Variants in TICRR observed in about 807,000 individuals in gnomAD.
The protein encoded by TICRR is treslin.
In TICRR, 132 loss-of-function variants were observed where a neutral mutation model predicts 178.1. The ratio of observed to expected loss-of-function variants is 0.74; its 90% CI spans 0.64 to 0.86. TICRR has a LOEUF of 0.86. TICRR is among the 40% of genes least tolerant of loss of function. The pLI, the probability that TICRR is intolerant of heterozygous loss-of-function variation, is 0.00. For synonymous variants in TICRR, 991 were observed against 900.7 expected, an observed-to-expected ratio of 1.10 and a Z score of -1.79; for missense variants, 2,587 against 2,334.3, an observed-to-expected ratio of 1.11 and a Z score of -2.23.
In TICRR at chr15:89,626,980, C is replaced by G. The variant is rs763682287; in HGVS notation, c.5627C>G (p.Ser1876Cys). ...GATGAGGATGTGGATGTTCTTCCCT[C>G]CACTGTAGAAGACTCTCCTTTCAGT... is the stretch of plus-strand genomic sequence containing the variant. ...PRDEDVDVLP[S>C]TVEDSPFSRA... Residue 1876 changes from serine (S) to cysteine (C), a missense_variant, in exon 22 of 22, where the codon TCC becomes TGC. Coordinates refer to ENST00000268138, the MANE Select transcript of TICRR (RefSeq NM_152259.4). 6.2e-6 allele frequency: 10 copies of G among 1,614,124 alleles called. No homozygotes were observed. The highest frequency in any genetic ancestry group is 8.5e-6 in the Non-Finnish European group (10 of 1,180,002).
intron 15 of TICRR, among the ~76,000 whole-genome samples, chr15:89,610,838 G>A (rs1163024287): frequency 6.6e-6 from 1 of 150,856 alleles, no homozygotes; most frequent in Non-Finnish European, 1.5e-5. Context: ...TTTTTAAGTT[G>A]TTTTCTCAGT....
intron 4 of TICRR, among the ~76,000 whole-genome samples, chr15:89,590,974 C>T (rs1962901603): frequency 6.6e-6 from 1 of 152,232 alleles, no homozygotes; most frequent in Non-Finnish European, 1.5e-5. Context: ...CAACCACCTC[C>T]TCCATCAGGC....
In TICRR at chr15:89,601,790, T is replaced by G; in HGVS notation, c.2381T>G (p.Phe794Cys). ...TLGNLYNSLGFVIPQKLAGVL... is the reference protein window; with the variant it reads ...TLGNLYNSLGCVIPQKLAGVL... Reference sequence around the variant, plus strand: ...GGAAATCTTTACAACAGCCTAGGGTTTGTGATTCCTCAGAAGCTGGCTGGT... The same window carrying G: ...GGAAATCTTTACAACAGCCTAGGGTGTGTGATTCCTCAGAAGCTGGCTGGT... Residue 794 changes from phenylalanine to cysteine, a missense_variant, in exon 12 of 22, where the codon TTT (phenylalanine) becomes TGT (cysteine). Coordinates refer to ENST00000268138, the MANE Select transcript of TICRR (RefSeq NM_152259.4). The G allele has an allele frequency of 6.2e-7, 1 of 1,614,158 alleles. No homozygotes were observed. Among genetic ancestry groups the G allele is most frequent in the Non-Finnish European group, 8.5e-7 (1 of 1,180,000 alleles).
chr15:89,602,238 G>T (rs566407842), intron 12 of TICRR, among the ~76,000 whole-genome samples: 40 of 152,224 alleles, frequency 2.6e-4, no homozygotes, highest in Middle Eastern at 6.8e-3. Flanking sequence ...AATTTTTGTT[G>T]TACTAACATC....
intron 4 of TICRR, among the ~76,000 whole-genome samples, chr15:89,590,377 TTGTG>T (rs1359549945): frequency 1.3e-5 from 2 of 152,188 alleles, no homozygotes; most frequent in East Asian, 3.9e-4. Context: ...TACTTACCAA[TTGTG>T]TGTAGGCTAT....
In TICRR at chr15:89,608,954, C is replaced by T. The variant is rs1963214221; in HGVS notation, c.2869+5C>T. 5 of 1,584,054 alleles carry T rather than the reference C, an allele frequency of 3.2e-6. No homozygotes were observed. The highest frequency in any genetic ancestry group is 4.3e-6 in the Non-Finnish European group (5 of 1,170,502). ...ACAACTTCAAGAAGAACAAAGGTACCACATTTCAGAATAGCTAGGAAAAAG... is the reference window on the plus strand; with the variant it reads ...ACAACTTCAAGAAGAACAAAGGTACTACATTTCAGAATAGCTAGGAAAAAG... On this transcript the variant is annotated splice_donor_5th_base_variant and intron_variant, in intron 15 of 21. Coordinates refer to ENST00000268138, the MANE Select transcript of TICRR (RefSeq NM_152259.4).
In TICRR at chr15:89,624,488, G is replaced by A; in HGVS notation, c.4178G>A (p.Arg1393Lys). ...KRCRKTSDPR[R>K]SIVECQPDAS... The stretch of plus-strand genomic sequence containing the variant: ...TGTAGAAAGACCTCTGATCCCAGAA[G>A]GAGCATCGTGGAGTGTCAGCCTGAT... The change falls in exon 20 of 22, where the codon AGG becomes AAG. Residue 1393 changes from arginine (R) to lysine (K), a missense_variant. Arg to Lys is a conservative substitution (Grantham distance 26). Coordinates refer to ENST00000268138, the MANE Select transcript of TICRR (RefSeq NM_152259.4). 1 of 1,614,106 alleles carries A rather than the reference G, an allele frequency of 6.2e-7. No homozygotes were observed. The highest frequency in any genetic ancestry group is 8.5e-7 in the Non-Finnish European group (1 of 1,180,044).
intron 17 of TICRR, 113 bp downstream of exon 17, chr15:89,618,323 C>T: frequency 2.1e-6 from 2 of 937,368 alleles, no homozygotes; most frequent in Admixed American, 1.7e-5. Context: ...ATTGTGATGG[C>T]TCTGAGTCCA....
chr15:89,591,907 C>A, intron 4 of TICRR, 140 bp from the exon 5 acceptor site: 1 of 619,916 alleles, frequency 1.6e-6, no homozygotes, highest in Non-Finnish European at 2.6e-6. Context: ...TTTGTGGTGC[C>A]GGAGAACAAA....
intron 15 of TICRR, among the ~76,000 whole-genome samples, chr15:89,613,219 G>A (rs1313814763): frequency 1.3e-5 from 2 of 152,158 alleles, no homozygotes. Flanking sequence ...TTCCTGGTTG[G>A]CAGTCTTTTT....
intron 8 of TICRR, among the ~76,000 whole-genome samples, chr15:89,599,821 A>G (rs955912198): frequency 1.3e-5 from 2 of 152,160 alleles, no homozygotes; most frequent in Admixed American, 1.3e-4. Flanking sequence ...AAATATATAT[A>G]TGCCAACTAA....
At chr15:89,619,686 T>G (rs372651756) in intron 17 of TICRR, 22 bp from the exon 18 acceptor site, 4 of 1,593,294 alleles carry the variant, frequency 2.5e-6, no homozygotes, top group Non-Finnish European at 3.4e-6. Context: ...TTTGGTTACT[T>G]ACTGTGGTTC....
At chr15:89,585,538 CTG>C (rs149364237) in intron 3 of TICRR, among the ~76,000 whole-genome samples, 168 bp from the exon 4 acceptor site, 3,101 of 152,202 alleles carry the variant, frequency 0.02, 96 homozygotes, top group African/African-American at 0.066. Context: ...TATGAGGACT[CTG>C]TGATTAATAA....
rs113279024 is a variant in TICRR at position 89,624,000 on chromosome 15, TTCA to T, written c.3693_3695del (p.Ser1232del). ...GCCCCTCCTGTCCAGCCCCTCCAAC[TTCA>T]TCGACTGCCCAGCCCAGGAGAGAGT... On this transcript the variant is annotated inframe_deletion, in exon 20 of 22. Coordinates refer to ENST00000268138, the MANE Select transcript of TICRR (RefSeq NM_152259.4). The T allele has an allele frequency of 9.3e-5, 150 of 1,613,862 alleles. No individual in the cohort carries two copies. In the African/African-American group the frequency reaches 1.7e-3, roughly 19 times the overall value.
In TICRR at chr15:89,599,348, T is replaced by A; in HGVS notation, c.1925T>A (p.Leu642Gln). 1 of 1,608,700 alleles carries A rather than the reference T, an allele frequency of 6.2e-7. No homozygotes were observed. Among genetic ancestry groups the A allele is most frequent in the Non-Finnish European group, 8.5e-7 (1 of 1,178,376 alleles). Residue 642 changes from leucine (L) to glutamine (Q), a missense_variant, in exon 8 of 22, where the codon CTA (leucine) becomes CAA (glutamine). Physicochemically the swap from Leu to Gln is moderately radical, Grantham distance 113. Coordinates refer to ENST00000268138, the MANE Select transcript of TICRR (RefSeq NM_152259.4). ...PKDFKTEEEL[L>Q]SYIRENYQKT... ...GATTTTAAAACTGAGGAAGAGCTGCTATCATATATACGTGAAAATTACCAA... is the reference window on the plus strand; with the variant it reads ...GATTTTAAAACTGAGGAAGAGCTGCAATCATATATACGTGAAAATTACCAA...
chr15:89,596,497 C>T (rs1356332492), intron 7 of TICRR, among the ~76,000 whole-genome samples: 1 of 152,116 alleles, frequency 6.6e-6, no homozygotes, highest in Non-Finnish European at 1.5e-5. Context: ...CAGGCGCATG[C>T]CACCACACCC....
At chr15:89,594,695 T>TA (rs1962967591) in intron 6 of TICRR, 141 bp downstream of exon 6, 2 of 639,706 alleles carry the variant, frequency 3.1e-6, no homozygotes, top group South Asian at 8.6e-5. Context: ...TTAAAATAAT[T>TA]ACATTAGTTC....
rs1435099839 is a variant in TICRR at position 89,623,652 on chromosome 15, G to A, written c.3342G>A (p.Leu1114=). The A allele has an allele frequency of 5.0e-6, 8 of 1,609,910 alleles. No homozygotes were observed. Among genetic ancestry groups the A allele is most frequent in the South Asian group, 1.1e-5 (1 of 89,964 alleles). The change falls in exon 20 of 22, where the codon CTG becomes CTA. Residue 1114 remains leucine, a synonymous_variant. Transcript: ENST00000268138. ...CCAAGAAGAGTCACCAGAAATCTCT[G>A]AGCTTTTCTAAAACTACACCAAGAA... is the stretch of plus-strand genomic sequence containing the variant. ...QTPKKSHQKS[L]SFSKTTPRRI... is the part of the protein sequence containing the mutation.
At chr15:89,605,123 AG>A (rs1963155498) in intron 13 of TICRR, among the ~76,000 whole-genome samples, 1 of 152,230 alleles carries the variant, frequency 6.6e-6, no homozygotes, top group Non-Finnish European at 1.5e-5. Flanking sequence ...TGGATTAACA[AG>A]GGTTGACAAA....
Sources: allele counts gnomAD v4.1 joint callset (sites outside exome capture counted in the v4.1 genomes callset), GRCh38; gene constraint gnomAD v4.1.1; transcripts MANE v1.5; gene names NCBI Gene and HGNC (gene_info 2026-07-23, HGNC 2026-07-21).